Variants in FOXJ3 observed in about 807,000 individuals in gnomAD.
FOXJ3 encodes the protein forkhead box J3, also known as forkhead box protein J3.
Under a neutral mutation model 76.1 loss-of-function variants are expected in FOXJ3, and 22 were observed. The observed-to-expected ratio is 0.29, with a 90% CI of 0.21 to 0.41. The LOEUF is 0.41. Among genes scored for constraint, FOXJ3 ranks in the 10% least tolerant of loss-of-function variants. The pLI is 1.00. For synonymous variants in FOXJ3, 269 were observed against 261.2 expected (o/e 1.03, Z -0.29); for missense variants, 613 against 762.1 (o/e 0.80, Z 2.30).
chr1:42,229,981 G>C (rs540192500), intron 4 of FOXJ3, among the ~76,000 whole-genome samples: 3 of 152,224 alleles, frequency 2.0e-5, no homozygotes, highest in South Asian at 4.1e-4. Flanking sequence ...ACCCTGATTT[G>C]TTAGTAAACC....
intron 4 of FOXJ3, among the ~76,000 whole-genome samples, chr1:42,251,605 T>C (rs1166145639): frequency 6.6e-6 from 1 of 152,162 alleles, no homozygotes; most frequent in Non-Finnish European, 1.5e-5. Flanking sequence ...ATTACATTTA[T>C]TGATTTGAAT....
At chr1:42,215,285 AAG>A (rs1647043614) in intron 5 of FOXJ3, among the ~76,000 whole-genome samples, 1 of 152,168 alleles carries the variant, frequency 6.6e-6, no homozygotes, top group African/African-American at 2.4e-5. Flanking sequence ...AGGAAATCTC[AAG>A]AGAAAAATAA....
intron 6 of FOXJ3, among the ~76,000 whole-genome samples, chr1:42,204,182 T>C (rs765034446): frequency 6.6e-6 from 1 of 151,900 alleles, no homozygotes; most frequent in African/African-American, 2.4e-5. Context: ...CAAAGGAAAA[T>C]ATACAAAGCT....
intron 11 of FOXJ3, among the ~76,000 whole-genome samples, chr1:42,187,998 C>T (rs533007861): frequency 9.2e-5 from 14 of 151,926 alleles, no homozygotes; most frequent in African/African-American, 2.7e-4. Flanking sequence ...CATGGGTGAA[C>T]GAAAGATGTG....
rs770005826 is a variant in FOXJ3, at chr1:42,252,601, G to GTT, written c.444+12512_444+12513dup. On this transcript the variant is annotated intron_variant, in intron 4 of 12. Transcript: ENST00000361346. Reference sequence around the variant, plus strand: ...CCTGGATTCATTAATTTTTTGAAGGGTTTTTTTTTTTTGTCTCTATTTCCT... The same window carrying GTT: ...CCTGGATTCATTAATTTTTTGAAGGGTTTTTTTTTTTTTTGTCTCTATTTCCT... 2.8e-4 allele frequency among the ~76,000 whole-genome samples: 39 copies of GTT among 141,012 alleles called. 1 individual carries two copies. Among genetic ancestry groups the GTT allele is most frequent in the African/African-American group, 3.9e-4 (15 of 38,642 alleles). The allele number at this position is 141,012 out of a possible 152,430, so 92.5% of individuals were successfully genotyped here.
At chr1:42,317,866 CTTATT>C (rs1456761768) in intron 1 of FOXJ3, among the ~76,000 whole-genome samples, 3 of 152,100 alleles carry the variant, frequency 2.0e-5, no homozygotes, top group Non-Finnish European at 4.4e-5. Flanking sequence ...TCTCTATTAC[CTTATT>C]TTATTCTTCA....
intron 1 of FOXJ3, chr1:42,315,467 C>T (rs2124765637): frequency 2.1e-6 from 2 of 930,904 alleles, no homozygotes; most frequent in Non-Finnish European, 2.6e-6. Context: ...TGTCCAAACA[C>T]CAACACCCTT....
chr1:42,261,488 C>T (rs954467562), intron 4 of FOXJ3, among the ~76,000 whole-genome samples: 9 of 151,812 alleles, frequency 5.9e-5, no homozygotes, highest in African/African-American at 2.2e-4. Context: ...CACCAATGTA[C>T]ATAAAGGGTA....
chr1:42,249,976 C>A (rs942225972), intron 4 of FOXJ3, among the ~76,000 whole-genome samples: 1 of 152,140 alleles, frequency 6.6e-6, no homozygotes, highest in Non-Finnish European at 1.5e-5. Flanking sequence ...ATTTTAGATA[C>A]CGTGTATCAT....
intron 2 of FOXJ3, among the ~76,000 whole-genome samples, chr1:42,300,830 T>C (rs1654097351): frequency 6.6e-6 from 1 of 152,142 alleles, no homozygotes; most frequent in Non-Finnish European, 1.5e-5. Context: ...CCGCTAAAAA[T>C]AGGCCCCCAA....
intron 9 of FOXJ3, among the ~76,000 whole-genome samples, chr1:42,190,285 A>C (rs1053200401): frequency 2.6e-5 from 4 of 152,228 alleles, no homozygotes; most frequent in African/African-American, 9.7e-5. Flanking sequence ...AAAGACCAAT[A>C]AAAAGGGCTG....
rs1003488835 is a variant in FOXJ3 at position 42,178,362 on chromosome 1, G to A, written c.*1348C>T. The A allele has an allele frequency of 6.6e-6, 1 of 152,192 alleles. No individual in the cohort carries two copies. Among genetic ancestry groups the A allele is most frequent in the African/African-American group, 2.4e-5 (1 of 41,446 alleles). The allele number at this position is 152,192 out of a possible 1,614,324, so 9.4% of individuals were successfully genotyped here. On this transcript the variant is annotated 3_prime_UTR_variant, in exon 13 of 13. Coordinates refer to ENST00000361346, the MANE Select transcript of FOXJ3 (RefSeq NM_014947.5). ...TCTGATTCAAATTCCAGAAAAATCC[G>A]ATTTAACTAATAAGTCTGAATCAGC...
At chr1:42,200,972 G>A (rs929755582) in intron 6 of FOXJ3, among the ~76,000 whole-genome samples, 1 of 152,072 alleles carries the variant, frequency 6.6e-6, no homozygotes, top group Non-Finnish European at 1.5e-5. Context: ...TATAATCTAT[G>A]TCATTTTCTT....
intron 2 of FOXJ3, among the ~76,000 whole-genome samples, chr1:42,278,994 T>C (rs1270357860): frequency 3.3e-5 from 5 of 152,192 alleles, no homozygotes; most frequent in East Asian, 1.9e-4. Context: ...AACAGGATCT[T>C]GGTAAGAAAA....
At chr1:42,311,213 T>C in intron 1 of FOXJ3, 103 bp from the exon 2 acceptor site, 6 of 722,720 alleles carry the variant, frequency 8.3e-6, no homozygotes, top group Non-Finnish European at 1.4e-5. Context: ...AGAAGTAGAA[T>C]GTTCTACTAA....
intron 2 of FOXJ3, among the ~76,000 whole-genome samples, chr1:42,301,907 G>A (rs1184410730): frequency 1.3e-5 from 2 of 151,864 alleles, no homozygotes; most frequent in Non-Finnish European, 2.9e-5. Context: ...TTGTTCCTCT[G>A]GTTGCTTCTC....
chr1:42,311,118 G>C lies in FOXJ3; in HGVS notation c.-17-8C>G, dbSNP rs1570229855. Reference sequence around the variant, plus strand: ...TCTGGCCACAAAGAGAATCTGAAAAGCAAAGAAGAGTTAGTTATCAGATAC... The same window carrying C: ...TCTGGCCACAAAGAGAATCTGAAAACCAAAGAAGAGTTAGTTATCAGATAC... On this transcript the variant is annotated splice_region_variant and splice_polypyrimidine_tract_variant and intron_variant, in intron 1 of 12. Coordinates refer to ENST00000361346, the MANE Select transcript of FOXJ3 (RefSeq NM_014947.5). 1.3e-6 allele frequency: 2 copies of C among 1,578,718 alleles called. No homozygotes were observed. Among genetic ancestry groups the C allele is most frequent in the East Asian group, 4.5e-5 (2 of 44,176 alleles).
intron 6 of FOXJ3, among the ~76,000 whole-genome samples, chr1:42,203,748 C>G (rs1646806518): frequency 6.6e-6 from 1 of 152,090 alleles, no homozygotes; most frequent in African/African-American, 2.4e-5. Flanking sequence ...GTAATCCCAG[C>G]ACTTTGGGAG....
intron 5 of FOXJ3, among the ~76,000 whole-genome samples, chr1:42,216,374 C>A (rs1272903602): frequency 1.3e-5 from 2 of 151,734 alleles, no homozygotes; most frequent in Non-Finnish European, 2.9e-5. Flanking sequence ...AAAAATTAGC[C>A]GGGCGTGGTA....
Sources: gnomAD v4.1 joint callset for allele counts (sites outside exome capture counted in the v4.1 genomes callset) on GRCh38, gnomAD v4.1.1 for gene constraint, MANE v1.5 for transcripts, NCBI Gene and HGNC (gene_info 2026-07-23, HGNC 2026-07-21) for gene names.